Variants in IER3IP1 observed in about 807,000 individuals in gnomAD.
The protein encoded by IER3IP1 is immediate early response 3-interacting protein 1.
IER3IP1 carries 16 observed loss-of-function variants against 12.2 expected under a neutral mutation model. The ratio of observed to expected loss-of-function variants is 1.31; its 90% CI spans 0.89 to 1.99. The LOEUF (loss-of-function observed/expected upper bound fraction) is 1.99, where lower values mean the gene tolerates loss of function less well. Ranked by LOEUF, IER3IP1 falls within the 30% of genes most tolerant of loss-of-function variation. The probability of loss-of-function intolerance (pLI) is 0.00; values close to 1 mark genes in which losing one functional copy is unlikely to be tolerated. For missense variants in IER3IP1, 95 were observed against 95.8 expected (o/e 0.99, Z 0.03); for synonymous variants, 42 against 40.0 (o/e 1.05, Z -0.19).
chr18:47,167,658 G>A (rs918744978), intron 1 of IER3IP1, among the ~76,000 whole-genome samples: 3 of 151,982 alleles, frequency 2.0e-5, no homozygotes, highest in African/African-American at 7.3e-5. Flanking sequence ...TGGAATTACA[G>A]TATATTTTAT....
At chr18:47,158,620 A>G (rs372015319) in intron 1 of IER3IP1, among the ~76,000 whole-genome samples, 1 of 151,718 alleles carries the variant, frequency 6.6e-6, no homozygotes, top group Non-Finnish European at 1.5e-5. Context: ...GGCATGAGTC[A>G]CCGCACCCAG....
chr18:47,160,086 T>C (rs1340124168), intron 1 of IER3IP1, among the ~76,000 whole-genome samples: 2 of 151,878 alleles, frequency 1.3e-5, no homozygotes, highest in Admixed American at 6.5e-5. Context: ...TCCCAGATAC[T>C]CAGGAGGCCG....
intron 1 of IER3IP1, among the ~76,000 whole-genome samples, chr18:47,160,615 T>A (rs964095662): frequency 3.3e-5 from 5 of 152,180 alleles, no homozygotes; most frequent in African/African-American, 4.8e-5. Context: ...TAACATGATA[T>A]AACTATCCTG....
chr18:47,162,424 G>A (rs2063982859), intron 1 of IER3IP1, among the ~76,000 whole-genome samples: 1 of 151,348 alleles, frequency 6.6e-6, no homozygotes, highest in Admixed American at 6.6e-5. Flanking sequence ...GAGACTCTAA[G>A]GAAGAGAAGA....
At chr18:47,158,304 A>G (rs1267519105) in intron 1 of IER3IP1, among the ~76,000 whole-genome samples, 1 of 152,106 alleles carries the variant, frequency 6.6e-6, no homozygotes, top group East Asian at 1.9e-4. Flanking sequence ...AGTACAAGCC[A>G]CTGCATTCGG....
intron 1 of IER3IP1, among the ~76,000 whole-genome samples, chr18:47,161,140 A>C (rs1299046851): frequency 2.0e-5 from 3 of 152,208 alleles, no homozygotes; most frequent in Non-Finnish European, 4.4e-5. Context: ...AGTTTTTTTA[A>C]ATAGATATAC....
Position 47,154,855 on chromosome 18 carries a change from T to A in IER3IP1, c.*1322A>T, listed in dbSNP as rs2063952600. The A allele has an allele frequency of 6.6e-6, 1 of 152,200 alleles. No homozygotes were observed. Among genetic ancestry groups the A allele is most frequent in the African/African-American group, 2.4e-5 (1 of 41,438 alleles). 9.4% of individuals were successfully genotyped at this position (152,200 alleles called of 1,614,324 possible). ...ATGAAATAAAAGGTGCTCATGAGTC[T>A]TCTGGATGTATGTCAGCAATTCAGT... is the stretch of plus-strand genomic sequence containing the variant. On this transcript the variant is annotated 3_prime_UTR_variant, in exon 3 of 3. Transcript: ENST00000256433.
At chr18:47,158,921 C>T (rs1257093151) in intron 1 of IER3IP1, among the ~76,000 whole-genome samples, 1 of 152,082 alleles carries the variant, frequency 6.6e-6, no homozygotes, top group Non-Finnish European at 1.5e-5. Flanking sequence ...CATGATCATG[C>T]TACTGCACTC....
At chr18:47,166,678 G>A (rs1400459847) in intron 1 of IER3IP1, among the ~76,000 whole-genome samples, 1 of 152,138 alleles carries the variant, frequency 6.6e-6, no homozygotes, top group East Asian at 1.9e-4. Context: ...TCACCTGAGA[G>A]AAGCGAAACT....
chr18:47,175,062 G>C (rs1217063297), intron 1 of IER3IP1, among the ~76,000 whole-genome samples: 2 of 152,168 alleles, frequency 1.3e-5, no homozygotes, highest in African/African-American at 4.8e-5. Flanking sequence ...AGTAGCTGCT[G>C]TAACTTCAGT....
intron 1 of IER3IP1, among the ~76,000 whole-genome samples, chr18:47,166,926 C>T (rs149156678): frequency 2.6e-5 from 4 of 152,174 alleles, no homozygotes; most frequent in African/African-American, 9.6e-5. Flanking sequence ...ATTTGGAGAC[C>T]ACATTCAAAA....
intron 1 of IER3IP1, among the ~76,000 whole-genome samples, chr18:47,174,668 CA>C (rs1293825170): frequency 0.01 from 1,298 of 128,390 alleles, 4 homozygotes; most frequent in African/African-American, 0.025. Context: ...GACTCCGTCT[CA>C]AAAAAAAAAA....
chr18:47,164,113 T>C (rs1419392731), intron 1 of IER3IP1, among the ~76,000 whole-genome samples: 1 of 151,982 alleles, frequency 6.6e-6, no homozygotes, highest in South Asian at 2.1e-4. Context: ...TTTTTTCACA[T>C]GTGAGATGAG....
At chr18:47,164,920 T>C (rs2063991353) in intron 1 of IER3IP1, among the ~76,000 whole-genome samples, 1 of 152,222 alleles carries the variant, frequency 6.6e-6, no homozygotes, top group Middle Eastern at 3.4e-3. Context: ...TAAAGTTGAA[T>C]AGAAAAAGTT....
chr18:47,173,508 C>A (rs2064021743), intron 1 of IER3IP1, among the ~76,000 whole-genome samples: 1 of 152,120 alleles, frequency 6.6e-6, no homozygotes, highest in African/African-American at 2.4e-5. Flanking sequence ...CCACACCCTG[C>A]TAATTTCTGT....
intron 1 of IER3IP1, among the ~76,000 whole-genome samples, chr18:47,158,788 C>T (rs1323171753): frequency 6.6e-6 from 1 of 151,788 alleles, no homozygotes; most frequent in African/African-American, 2.4e-5. Context: ...TGACGAAACC[C>T]TGTCTCTACT....
chr18:47,156,347 C>T, intron 2 of IER3IP1, 115 bp from the exon 3 acceptor site: 1 of 677,016 alleles, frequency 1.5e-6, no homozygotes, highest in South Asian at 1.7e-5. Flanking sequence ...TCATCATAAT[C>T]ATGTTGTAAA....
chr18:47,165,383 C>A (rs2063992990), intron 1 of IER3IP1, among the ~76,000 whole-genome samples: 1 of 152,024 alleles, frequency 6.6e-6, no homozygotes, highest in South Asian at 2.1e-4. Flanking sequence ...CAAAAAACCA[C>A]CTCTACTAAA....
chr18:47,176,177 T>A lies in IER3IP1; in HGVS notation c.91+10A>T. 1 of 1,584,780 alleles carries A rather than the reference T, an allele frequency of 6.3e-7. No homozygotes were observed. The highest frequency in any genetic ancestry group is 8.6e-7 in the Non-Finnish European group (1 of 1,165,694). ...CGCCGCCCCAGCCCGCGCCCCGCGG[T>A]CCCACTCACTGTTCTTGAGGAATCG... On this transcript the variant is annotated intron_variant, in intron 1 of 2. Transcript: ENST00000256433.
Sources: allele counts gnomAD v4.1 joint callset (sites outside exome capture counted in the v4.1 genomes callset), GRCh38; gene constraint gnomAD v4.1.1; transcripts MANE v1.5; gene names NCBI Gene and HGNC (gene_info 2026-07-23, HGNC 2026-07-21).